The following GRHL1 variants were observed in gnomAD, a reference collection of about 807,000 sequenced individuals.
GRHL1 encodes the protein grainyhead like transcription factor 1, also known as grainyhead-like protein 1 homolog.
A neutral mutation model predicts 75.7 loss-of-function variants in GRHL1; 38 were observed. That is an observed-to-expected ratio of 0.50 (90% CI 0.39 to 0.66). The LOEUF is 0.66. GRHL1 is among the 30% of genes least tolerant of loss of function. The pLI, the probability that GRHL1 is intolerant of heterozygous loss-of-function variation, is 0.00. For missense variants in GRHL1, 589 were observed against 767.5 expected, an observed-to-expected ratio of 0.77 and a Z score of 2.75; for synonymous variants, 266 against 279.4, an observed-to-expected ratio of 0.95 and a Z score of 0.48.
At position 9,990,079 on chromosome 2, in the gene GRHL1, G is replaced by A. The variant is rs1423825384; in HGVS notation, c.1270-617G>A. 1.3e-5 allele frequency among the ~76,000 whole-genome samples: 2 copies of A among 151,942 alleles called. No individual in the cohort carries two copies. The highest frequency in any genetic ancestry group is 2.9e-5 in the Non-Finnish European group (2 of 68,002). On this transcript the variant is annotated intron_variant, in intron 9 of 15. Transcript: ENST00000324907. This position sits in a 1 kb window ranked among gnomAD's most constrained non-coding sequence, Gnocchi z 4.2. ...AAAGGGAAAATACCCTTGTGTCTTT[G>A]CAGGCATGTGGTATACTCACAGATT...
At chr2:9,953,976 C>G (rs1387366096) in intron 1 of GRHL1, among the ~76,000 whole-genome samples, 1 of 152,066 alleles carries the variant, frequency 6.6e-6, no homozygotes, top group Admixed American at 6.5e-5. Flanking sequence ...TTAAATAGTA[C>G]CAACCGAACA....
rs1337418194 is a variant in GRHL1 at position 9,998,781 on chromosome 2, C to T, written c.1678-184C>T. ...GTATATATATGTACACACATATATACGTATATATATGTACACACATATATA... is the reference window on the plus strand; with the variant it reads ...GTATATATATGTACACACATATATATGTATATATATGTACACACATATATA... On this transcript the variant is annotated intron_variant, in intron 14 of 15. Transcript: ENST00000324907. Among the ~76,000 whole-genome samples the T allele has an allele frequency of 5.7e-5, 2 of 34,888 alleles. 1 individual carries two copies. Among genetic ancestry groups the T allele is most frequent in the African/African-American group, 3.4e-4 (2 of 5,868 alleles). 22.9% of individuals were successfully genotyped at this position (34,888 alleles called of 152,430 possible).
In GRHL1 at chr2:9,992,009, TC is replaced by T; in HGVS notation, c.1325del (p.Ser442LeufsTer62). ...EERKQSKRKV[S>X]DVKVPLLPSH... The stretch of plus-strand genomic sequence containing the variant: ...TTTTTAATTTTTTTTTTTTTCAGTT[TC>T]TGATGTTAAAGTGCCACTGCTTCCC... On this transcript the variant is annotated frameshift_variant, in exon 11 of 16. Coordinates refer to ENST00000324907, the MANE Select transcript of GRHL1 (RefSeq NM_198182.3). LOFTEE classifies it high-confidence loss of function. The surrounding 1 kb of genome is among the most constrained non-coding windows in gnomAD (Gnocchi z 4.6). 6.3e-7 allele frequency: 1 copy of T among 1,579,184 alleles called. No individual in the cohort carries two copies. Among genetic ancestry groups the T allele is most frequent in the South Asian group, 1.2e-5 (1 of 86,182 alleles).
intron 2 of GRHL1, among the ~76,000 whole-genome samples, chr2:9,957,652 A>C (rs1319472295): frequency 2.7e-5 from 4 of 150,728 alleles, no homozygotes; most frequent in African/African-American, 9.8e-5. Context: ...CTTGTGATCC[A>C]CCCGCCTCGG....
rs749597798 is a variant in GRHL1, at chr2:9,986,150, C to T, written c.1137C>T (p.Ser379=). 1.2e-6 allele frequency: 2 copies of T among 1,612,892 alleles called. No homozygotes were observed. Among genetic ancestry groups the T allele is most frequent in the South Asian group, 2.2e-5 (2 of 90,958 alleles). The change falls in exon 9 of 16, where the codon AGC becomes AGT. Residue 379 remains serine (S), a synonymous_variant. Coordinates refer to ENST00000324907, the MANE Select transcript of GRHL1 (RefSeq NM_198182.3). Reference sequence around the variant, plus strand: ...TTTTCATCTCTGTGAACTGCTTAAGCACAGATTTCTCTTCCCAGAAGGGAG... The same window carrying T: ...TTTTCATCTCTGTGAACTGCTTAAGTACAGATTTCTCTTCCCAGAAGGGAG... ...AKVFISVNCL[S]TDFSSQKGVK... is the part of the protein sequence containing the mutation.
Position 9,998,671 on chromosome 2 carries a change from CAT to C in GRHL1, c.1678-286_1678-285del, listed in dbSNP as rs1307281741. On this transcript the variant is annotated intron_variant, in intron 14 of 15. Coordinates refer to ENST00000324907, the MANE Select transcript of GRHL1 (RefSeq NM_198182.3). ...ATATACATATACATATATATGTACA[CAT>C]ATATATACATATATATGTACACACA... 4.5e-3 allele frequency among the ~76,000 whole-genome samples: 264 copies of C among 58,902 alleles called. 65 individuals are homozygous for C. The highest frequency in any genetic ancestry group is 7.1e-3 in the South Asian group (15 of 2,122). The allele number at this position is 58,902 out of a possible 152,430, so 38.6% of individuals were successfully genotyped here.
At chr2:9,970,370 G>T (rs1322105071) in intron 8 of GRHL1, among the ~76,000 whole-genome samples, 1 of 152,196 alleles carries the variant, frequency 6.6e-6, no homozygotes, top group Non-Finnish European at 1.5e-5. Flanking sequence ...AGTCTGACTT[G>T]GTTTTACTGT....
At chr2:9,997,311 C>G (rs1315948022) in intron 14 of GRHL1, among the ~76,000 whole-genome samples, 3 of 152,072 alleles carry the variant, frequency 2.0e-5, no homozygotes, top group Non-Finnish European at 4.4e-5. Flanking sequence ...CTGATGAGTG[C>G]CATGAAGATT....
intron 8 of GRHL1, among the ~76,000 whole-genome samples, chr2:9,966,927 C>T (rs936858749): frequency 6.6e-6 from 1 of 152,066 alleles, no homozygotes; most frequent in Admixed American, 6.5e-5. Flanking sequence ...CTTGGCTAAG[C>T]AATAAATAGA....
intron 12 of GRHL1, among the ~76,000 whole-genome samples, chr2:9,993,952 A>G (rs148165019): frequency 3.6e-4 from 55 of 152,220 alleles, no homozygotes; most frequent in African/African-American, 1.3e-3. Context: ...GTTTTATTCA[A>G]TAAGCTGTGA....
In GRHL1 at chr2:9,996,487, C is replaced by A. The variant is rs1668866589; in HGVS notation, c.1677+86C>A. 9.4e-6 allele frequency: 9 copies of A among 955,012 alleles called. No individual in the cohort carries two copies. The South Asian group carries it at 1.2e-4, about 13-fold the overall frequency. The allele number at this position is 955,012 out of a possible 1,614,324, so 59.2% of individuals were successfully genotyped here. A position where few individuals can be genotyped will look rare whatever the true frequency, so the allele number is the denominator to read the frequency against. ...CATTGAAACACTTTATCAGATGATC[C>A]AAATCCTTTGTCAGACCTTCTGGAA... On this transcript the variant is annotated intron_variant, in intron 14 of 15. Transcript: ENST00000324907.
chr2:9,980,164 G>GTT (rs35509780), intron 8 of GRHL1, among the ~76,000 whole-genome samples: 36 of 147,102 alleles, frequency 2.4e-4, no homozygotes, highest in Non-Finnish European at 2.9e-4. Flanking sequence ...TTGGTGGTTT[G>GTT]TTTTTTTTTT....
At chr2:9,963,606 T>C (rs550075931) in intron 5 of GRHL1, among the ~76,000 whole-genome samples, 57 of 152,198 alleles carry the variant, frequency 3.7e-4, no homozygotes, top group Non-Finnish European at 7.5e-4. Flanking sequence ...GCATGTCTTG[T>C]GAGAAGTTCC....
At chr2:9,998,756 G>A (rs549112284) in intron 14 of GRHL1, among the ~76,000 whole-genome samples, 2 of 24,554 alleles carry the variant, frequency 8.1e-5, no homozygotes, top group Non-Finnish European at 1.2e-4. Flanking sequence ...ACATATATAC[G>A]TATATATATG....
At chr2:9,964,378 A>G in intron 7 of GRHL1, 32 bp downstream of exon 7, 1 of 1,122,912 alleles carries the variant, frequency 8.9e-7, no homozygotes, top group Non-Finnish European at 1.3e-6. Flanking sequence ...TTTTATTCCC[A>G]GAGGTGCAGC....
Position 9,978,389 on chromosome 2 carries a change from C to T in GRHL1, c.1111-7735C>T, listed in dbSNP as rs140319279. ...CTTTATCCATAAGGGAAATGTATGTCAGTAGACGATGGAGGAAAGGGTATT... is the reference window on the plus strand; with the variant it reads ...CTTTATCCATAAGGGAAATGTATGTTAGTAGACGATGGAGGAAAGGGTATT... On this transcript the variant is annotated intron_variant, in intron 8 of 15. Transcript: ENST00000324907. 5.6e-4 allele frequency among the ~76,000 whole-genome samples: 85 copies of T among 152,208 alleles called. No homozygotes were observed. In the East Asian group the frequency reaches 0.015, roughly 27 times the overall value.
intron 8 of GRHL1, among the ~76,000 whole-genome samples, chr2:9,969,528 C>T (rs1572351155): frequency 6.6e-6 from 1 of 152,322 alleles, no homozygotes; most frequent in East Asian, 1.9e-4. Context: ...ATAAGAACAC[C>T]TTTGCTAGTA....
chr2:9,995,330 G>C (rs1668812382), intron 12 of GRHL1: 1 of 152,264 alleles, frequency 6.6e-6, no homozygotes, highest in Non-Finnish European at 1.5e-5. Context: ...GGTGGATCAT[G>C]CCTATAATTC....
At chr2:9,959,855 G>T (rs1279997520) in intron 3 of GRHL1, 1 of 152,168 alleles carries the variant, frequency 6.6e-6, no homozygotes, top group Non-Finnish European at 1.5e-5. Flanking sequence ...CTATTAAGAA[G>T]TCTTAAGGAA....
Sources: allele counts gnomAD v4.1 joint callset (sites outside exome capture counted in the v4.1 genomes callset), GRCh38; gene constraint gnomAD v4.1.1; non-coding constraint Gnocchi (gnomAD v3.1); transcripts MANE v1.5; gene names NCBI Gene and HGNC (gene_info 2026-07-23, HGNC 2026-07-21).